The following MMP16 variants were observed in gnomAD, a reference collection of about 807,000 sequenced individuals.
The protein encoded by MMP16 is matrix metalloproteinase-16.
In MMP16, 12 loss-of-function variants were observed where a neutral mutation model predicts 67.8. The observed-to-expected ratio is 0.18, with a 90% confidence interval of 0.11 to 0.29. The LOEUF (loss-of-function observed/expected upper bound fraction) is 0.29. Ranked by LOEUF, MMP16 falls within the 10% of genes least tolerant of loss-of-function variation. MMP16 has a pLI of 1.00. For synonymous variants in MMP16, 249 were observed against 255.9 expected, an observed-to-expected ratio of 0.97 and a Z score of 0.26; for missense variants, 475 against 765.7, an observed-to-expected ratio of 0.62 and a Z score of 4.48.
chr8:88,046,625 TA>T, intron 9 of MMP16, 43 bp downstream of exon 9: 1 of 1,302,726 alleles, frequency 7.7e-7, no homozygotes, highest in Non-Finnish European at 1.1e-6. Flanking sequence ...AATGTGTTAC[TA>T]AGATAGCAAA....
chr8:88,079,912 C>T (rs1400510062), intron 6 of MMP16, among the ~76,000 whole-genome samples: 19 of 152,264 alleles, frequency 1.2e-4, no homozygotes, highest in East Asian at 1.9e-4. Context: ...TTCCCAGTCT[C>T]CAGAAATGTG....
chr8:88,046,973 G>T (rs181040438), intron 8 of MMP16, among the ~76,000 whole-genome samples, 189 bp from the exon 9 acceptor site: 1 of 152,232 alleles, frequency 6.6e-6, no homozygotes, highest in African/African-American at 2.4e-5. Flanking sequence ...AAAATACAAT[G>T]GGCATAAGGC....
At chr8:88,137,712 A>G (rs1808144457) in intron 4 of MMP16, among the ~76,000 whole-genome samples, 1 of 151,676 alleles carries the variant, frequency 6.6e-6, no homozygotes, top group South Asian at 2.1e-4. Flanking sequence ...AAGTATCTTA[A>G]TTTCATAGGT....
intron 4 of MMP16, among the ~76,000 whole-genome samples, chr8:88,146,759 A>G (rs1808296837): frequency 6.6e-6 from 1 of 151,806 alleles, no homozygotes; most frequent in Admixed American, 6.6e-5. Flanking sequence ...TACAGGGGCA[A>G]GGCTTTCTTT....
chr8:88,148,441 T>G (rs1385317519), intron 4 of MMP16, among the ~76,000 whole-genome samples: 1 of 152,244 alleles, frequency 6.6e-6, no homozygotes, highest in Non-Finnish European at 1.5e-5. Flanking sequence ...GCTGGGTGCC[T>G]AAATGCAGTA....
chr8:88,310,917 T>G (rs1455718926), intron 1 of MMP16, among the ~76,000 whole-genome samples: 1 of 152,172 alleles, frequency 6.6e-6, no homozygotes, highest in African/African-American at 2.4e-5. Flanking sequence ...GTGTGTTTTT[T>G]TGTGTGTCCA....
chr8:88,235,390 C>CAAAA, intron 1 of MMP16, among the ~76,000 whole-genome samples: 1 of 116,214 alleles, frequency 8.6e-6, no homozygotes, highest in Non-Finnish European at 1.7e-5. Flanking sequence ...GACTCCATCT[C>CAAAA]AAAAAAAAAA....
intron 9 of MMP16, among the ~76,000 whole-genome samples, chr8:88,043,536 T>C (rs1808160246): frequency 6.6e-6 from 1 of 152,148 alleles, no homozygotes; most frequent in Non-Finnish European, 1.5e-5. Context: ...CTATCTTTTA[T>C]CAAATACTCC....
chr8:88,070,318 G>A (rs1026146699), intron 7 of MMP16, among the ~76,000 whole-genome samples: 1 of 152,038 alleles, frequency 6.6e-6, no homozygotes, highest in Non-Finnish European at 1.5e-5. Context: ...TTTGTTAAGT[G>A]GAATTCAAGC....
intron 1 of MMP16, among the ~76,000 whole-genome samples, chr8:88,206,986 A>G (rs772006561): frequency 6.6e-6 from 1 of 152,210 alleles, no homozygotes; most frequent in African/African-American, 2.4e-5. Flanking sequence ...TTTTCATTAA[A>G]TACAGTGGAA....
At chr8:88,262,758 T>C (rs1403648534) in intron 1 of MMP16, among the ~76,000 whole-genome samples, 1 of 149,922 alleles carries the variant, frequency 6.7e-6, no homozygotes, top group Non-Finnish European at 1.5e-5. Flanking sequence ...ATCCCAGCAC[T>C]TTGGGAGGCC....
At position 88,040,677 on chromosome 8, in the gene MMP16, C is replaced by A. The variant is rs1808119316; in HGVS notation, c.*784G>T. On this transcript the variant is annotated 3_prime_UTR_variant, in exon 10 of 10. Transcript: ENST00000286614. Reference sequence around the variant, plus strand: ...AATACTTCAAAAACAATTAAAAGGTCGTGTTTGAAAATAGCTATGAATATA... The same window carrying A: ...AATACTTCAAAAACAATTAAAAGGTAGTGTTTGAAAATAGCTATGAATATA... The A allele has an allele frequency of 6.6e-6, 1 of 152,464 alleles. No homozygotes were observed. The highest frequency in any genetic ancestry group is 2.4e-5 in the African/African-American group (1 of 41,390). The allele number at this position is 152,464 out of a possible 1,614,324, so 9.4% of individuals were successfully genotyped here. A position where few individuals can be genotyped will look rare whatever the true frequency, so the allele number is the denominator to read the frequency against.
At chr8:88,073,046 C>T (rs1035366580) in intron 7 of MMP16, among the ~76,000 whole-genome samples, 1 of 152,184 alleles carries the variant, frequency 6.6e-6, no homozygotes, top group Non-Finnish European at 1.5e-5. Context: ...GCAGTTTTGT[C>T]AGAGAGCACT....
chr8:88,326,850 G>A (rs1305634426), intron 1 of MMP16: 2 of 473,460 alleles, frequency 4.2e-6, no homozygotes, highest in Non-Finnish European at 7.7e-6. Context: ...GTGTCTTTGA[G>A]CGCGCAGCAT....
rs141794664 is a variant in MMP16, at chr8:88,049,730, A to C, written c.1374-2946T>G. ...AGTGAGCTTTTAAATTCTAACTTAA[A>C]ATTTGGACTAGGGCCAGGTGTGGTG... On this transcript the variant is annotated intron_variant, in intron 8 of 9. Coordinates refer to ENST00000286614, the MANE Select transcript of MMP16 (RefSeq NM_005941.5). Among the ~76,000 whole-genome samples, 810 of 152,256 alleles carry C rather than the reference A, an allele frequency of 5.3e-3. 2 individuals are homozygous for C. Among genetic ancestry groups the C allele is most frequent in the Non-Finnish European group, 7.8e-3 (531 of 68,020 alleles).
intron 1 of MMP16, among the ~76,000 whole-genome samples, chr8:88,255,763 T>C (rs149297507): frequency 7.3e-4 from 111 of 152,290 alleles, no homozygotes; most frequent in Non-Finnish European, 1.3e-3. Context: ...TATAGGTGCA[T>C]GAAACATATC....
intron 4 of MMP16, among the ~76,000 whole-genome samples, chr8:88,120,152 G>A (rs1807794267): frequency 6.6e-6 from 1 of 151,828 alleles, no homozygotes; most frequent in Non-Finnish European, 1.5e-5. Context: ...ACTGGGGGTT[G>A]TCTAGGGAAC....
chr8:88,199,553 A>C (rs1469235444), intron 1 of MMP16, among the ~76,000 whole-genome samples: 1 of 151,962 alleles, frequency 6.6e-6, no homozygotes, highest in Non-Finnish European at 1.5e-5. Flanking sequence ...AACTTATAAT[A>C]TCTTTTTTGA....
chr8:88,147,673 G>A (rs1808316134), intron 4 of MMP16, among the ~76,000 whole-genome samples: 1 of 151,330 alleles, frequency 6.6e-6, no homozygotes, highest in Non-Finnish European at 1.5e-5. Context: ...ACTCTCCAGT[G>A]ACTATGGGAG....
Sources: allele counts gnomAD v4.1 joint callset (sites outside exome capture counted in the v4.1 genomes callset), GRCh38; gene constraint gnomAD v4.1.1; transcripts MANE v1.5; gene names NCBI Gene and HGNC (gene_info 2026-07-23, HGNC 2026-07-21).